RIMBP2: variants seen among roughly 807,000 people sequenced by gnomAD.
RIMBP2 encodes the protein RIMS binding protein 2.
A neutral mutation model predicts 118.6 loss-of-function variants in RIMBP2; 48 were observed. That is an observed-to-expected ratio of 0.40 (90% CI 0.32 to 0.51). The LOEUF is 0.51. Among genes scored for constraint, RIMBP2 ranks in the 20% least tolerant of loss-of-function variants. The pLI is 0.41. For synonymous variants in RIMBP2, 762 were observed against 742.9 expected (o/e 1.03, Z -0.42); for missense variants, 1,551 against 1,768.3 (o/e 0.88, Z 2.20).
chr12:130,694,028 T>C lies in RIMBP2; in HGVS notation c.-352+22194A>G, dbSNP rs554413320. Among the ~76,000 whole-genome samples the C allele has an allele frequency of 1.0e-3, 155 of 152,310 alleles. 1 individual carries two copies. The highest frequency in any genetic ancestry group is 3.5e-3 in the African/African-American group (144 of 41,570). On this transcript the variant is annotated intron_variant, in intron 1 of 22. Transcript: ENST00000690449. ...GCTCTGGGATTCCTGCATCCGAACT[T>C]CCATGCCATAAGAATATAAACCCTT...
chr12:130,504,177 C>T (rs2050082260), intron 4 of RIMBP2, among the ~76,000 whole-genome samples: 2 of 152,204 alleles, frequency 1.3e-5, no homozygotes, highest in African/African-American at 4.8e-5. Flanking sequence ...ATCCCGTTCA[C>T]AATTCAGTAA....
At position 130,523,152 on chromosome 12, in the gene RIMBP2, T is replaced by G. The variant is rs1054829822; in HGVS notation, c.-216-5235A>C. Among the ~76,000 whole-genome samples the G allele has an allele frequency of 6.6e-6, 1 of 152,078 alleles. No homozygotes were observed. Among genetic ancestry groups the G allele is most frequent in the African/African-American group, 2.4e-5 (1 of 41,430 alleles). ...GCCTCTCTCTCTCTCTCTGCCTCCA[T>G]GTCTGTCTGTGTCTCTGTTTCTCTG... On this transcript the variant is annotated intron_variant, in intron 2 of 22. Transcript: ENST00000690449. This position sits in a 1 kb window ranked among gnomAD's most constrained non-coding sequence, Gnocchi z 4.4.
At chr12:130,426,281 A>AT (rs35232987) in intron 15 of RIMBP2, 36,768 of 140,742 alleles carry the variant, frequency 0.26, 5,111 homozygotes, top group East Asian at 0.51. Flanking sequence ...CATGATTTCT[A>AT]TTTTTTTTTT....
intron 2 of RIMBP2, among the ~76,000 whole-genome samples, chr12:130,572,549 T>A (rs1212584616): frequency 6.6e-6 from 1 of 152,012 alleles, no homozygotes; most frequent in Non-Finnish European, 1.5e-5. Context: ...CTGGGCTGCG[T>A]GAACTTGCTG....
intron 14 of RIMBP2, chr12:130,432,283 C>G (rs1268255820): frequency 2.2e-6 from 1 of 456,638 alleles, no homozygotes; most frequent in Admixed American, 2.3e-5. Context: ...TCTGCGTAAT[C>G]ATGGACAAAA....
chr12:130,645,581 C>G (rs1382692722), intron 1 of RIMBP2, among the ~76,000 whole-genome samples: 2 of 152,184 alleles, frequency 1.3e-5, no homozygotes, highest in Non-Finnish European at 2.9e-5. Context: ...AAGTCATGCC[C>G]TCTCCCACTG....
intron 1 of RIMBP2, among the ~76,000 whole-genome samples, chr12:130,696,512 T>C (rs945541711): frequency 6.6e-6 from 1 of 152,154 alleles, no homozygotes; most frequent in Non-Finnish European, 1.5e-5. Context: ...AAAGTAACAA[T>C]TAATATAGGT....
intron 1 of RIMBP2, among the ~76,000 whole-genome samples, chr12:130,711,479 T>C (rs976258421): frequency 6.6e-6 from 1 of 152,218 alleles, no homozygotes; most frequent in Non-Finnish European, 1.5e-5. Flanking sequence ...GGGTTTTGTA[T>C]CAAGATTATT....
intron 2 of RIMBP2, among the ~76,000 whole-genome samples, chr12:130,543,535 G>T (rs2054802146): frequency 6.6e-6 from 1 of 152,168 alleles, no homozygotes; most frequent in Non-Finnish European, 1.5e-5. Flanking sequence ...GAGGCAGTGA[G>T]CTTGGGGACT....
intron 19 of RIMBP2, among the ~76,000 whole-genome samples, chr12:130,411,586 A>G (rs1349192078): frequency 6.6e-6 from 1 of 152,214 alleles, no homozygotes; most frequent in Non-Finnish European, 1.5e-5. Context: ...AAATCAAGTT[A>G]CCGTTCCTTA....
In RIMBP2 at chr12:130,511,078, C is replaced by T. The variant is rs1162366513; in HGVS notation, c.-126-4308G>A. Among the ~76,000 whole-genome samples the T allele has an allele frequency of 1.3e-5, 2 of 152,154 alleles. No individual in the cohort carries two copies. The highest frequency in any genetic ancestry group is 1.9e-4 in the East Asian group (1 of 5,178). ...CTGAAGATGGGATTGCATGGAGCAT[C>T]CTGAGAGTGGGAGAGCACCGGGGTT... On this transcript the variant is annotated intron_variant, in intron 3 of 22. Coordinates refer to ENST00000690449, the MANE Select transcript of RIMBP2 (RefSeq NM_001393629.1). The surrounding 1 kb of genome is among the most constrained non-coding windows in gnomAD (Gnocchi z 4.3).
At chr12:130,474,212 C>G (rs1461014532) in intron 5 of RIMBP2, among the ~76,000 whole-genome samples, 1 of 152,144 alleles carries the variant, frequency 6.6e-6, no homozygotes, top group Admixed American at 6.5e-5. Context: ...CCTCCTTATC[C>G]GTCACATGGA....
intron 1 of RIMBP2, among the ~76,000 whole-genome samples, chr12:130,713,741 C>T (rs1950130833): frequency 6.6e-6 from 1 of 152,192 alleles, no homozygotes; most frequent in African/African-American, 2.4e-5. Flanking sequence ...CCTAGGGAGA[C>T]TCCCGGACAC....
intron 4 of RIMBP2, among the ~76,000 whole-genome samples, chr12:130,493,392 G>A (rs1039740259): frequency 2.0e-5 from 3 of 152,010 alleles, no homozygotes; most frequent in African/African-American, 7.2e-5. Context: ...TCGGCTCACT[G>A]CAACCTCCAC....
intron 2 of RIMBP2, among the ~76,000 whole-genome samples, chr12:130,528,394 A>C (rs879876460): frequency 6.6e-6 from 1 of 152,222 alleles, no homozygotes; most frequent in African/African-American, 2.4e-5. Context: ...GAGCTGAATG[A>C]TGAGAAGAGA....
intron 4 of RIMBP2, among the ~76,000 whole-genome samples, chr12:130,481,856 G>T (rs1175536002): frequency 6.6e-6 from 1 of 152,104 alleles, no homozygotes; most frequent in Non-Finnish European, 1.5e-5. Context: ...GCCCCGCTGG[G>T]CTGTCAGCCC....
At chr12:130,567,181 G>A (rs2057279879) in intron 2 of RIMBP2, among the ~76,000 whole-genome samples, 1 of 152,194 alleles carries the variant, frequency 6.6e-6, no homozygotes, top group African/African-American at 2.4e-5. Flanking sequence ...CCAGATGGGT[G>A]AAATCTTTAT....
At chr12:130,613,066 C>T (rs184610802) in intron 2 of RIMBP2, among the ~76,000 whole-genome samples, 2 of 152,330 alleles carry the variant, frequency 1.3e-5, no homozygotes, top group Admixed American at 1.3e-4. Flanking sequence ...TTTCCCAGCT[C>T]CCTGGCCGGC....
At chr12:130,638,291 C>T (rs1022597152) in intron 1 of RIMBP2, among the ~76,000 whole-genome samples, 1 of 152,150 alleles carries the variant, frequency 6.6e-6, no homozygotes, top group Non-Finnish European at 1.5e-5. Context: ...TGGAATAACT[C>T]AACACTTTTA....
Sources: allele counts gnomAD v4.1 joint callset (sites outside exome capture counted in the v4.1 genomes callset), GRCh38; gene constraint gnomAD v4.1.1; non-coding constraint Gnocchi (gnomAD v3.1); transcripts MANE v1.5; gene names NCBI Gene and HGNC (gene_info 2026-07-23, HGNC 2026-07-21).